Variants in DCLK1 observed in about 807,000 individuals in gnomAD.
DCLK1 encodes serine/threonine-protein kinase DCLK1.
A neutral mutation model predicts 86.2 loss-of-function variants in DCLK1; 16 were observed. The ratio of observed to expected loss-of-function variants is 0.19; its 90% CI spans 0.13 to 0.28. The LOEUF is 0.28. Among genes scored for constraint, DCLK1 ranks in the 10% least tolerant of loss-of-function variants. The probability of loss-of-function intolerance (pLI) is 1.00; values close to 1 mark genes in which losing one functional copy is unlikely to be tolerated. For missense variants in DCLK1, 590 were observed against 940.2 expected, an observed-to-expected ratio of 0.63 and a Z score of 4.87; for synonymous variants, 369 against 370.5, an observed-to-expected ratio of 1.00 and a Z score of 0.05.
At chr13:35,914,956 T>C (rs747268058) in intron 4 of DCLK1, among the ~76,000 whole-genome samples, 1 of 152,158 alleles carries the variant, frequency 6.6e-6, no homozygotes, top group Admixed American at 6.5e-5. Context: ...AGAGAGCCAA[T>C]GATTTTAGGA....
chr13:35,913,183 C>A (rs556820801), intron 4 of DCLK1, among the ~76,000 whole-genome samples: 2 of 152,194 alleles, frequency 1.3e-5, no homozygotes, highest in South Asian at 4.1e-4. Context: ...CTTTGATGAT[C>A]GTCTGCCCAA....
At chr13:36,054,909 T>C (rs1029017390) in intron 3 of DCLK1, among the ~76,000 whole-genome samples, 6 of 152,114 alleles carry the variant, frequency 3.9e-5, no homozygotes, top group Admixed American at 2.6e-4. Flanking sequence ...TAAAAAGTAG[T>C]GCGGTGGGGA....
intron 4 of DCLK1, among the ~76,000 whole-genome samples, chr13:35,940,114 G>C (rs554425036): frequency 1.3e-5 from 2 of 152,030 alleles, no homozygotes; most frequent in Non-Finnish European, 2.9e-5. Context: ...CCAGCTACTC[G>C]GGAGGATGAG....
At chr13:35,855,630 G>C in intron 5 of DCLK1, 1 of 1,516,072 alleles carries the variant, frequency 6.6e-7, no homozygotes, top group South Asian at 1.2e-5. Context: ...TGAGTTTAAG[G>C]ATGGCTAAGG....
chr13:35,913,007 G>T (rs9545712), intron 4 of DCLK1, among the ~76,000 whole-genome samples: 27,687 of 152,184 alleles, frequency 0.18, 2,891 homozygotes, highest in East Asian at 0.34. Context: ...CCTGCAAAAG[G>T]TTGAGCATGG....
chr13:35,866,381 A>G (rs1871788128), intron 5 of DCLK1, among the ~76,000 whole-genome samples: 1 of 152,172 alleles, frequency 6.6e-6, no homozygotes. Context: ...GAATACTGGA[A>G]GTAGAAATTT....
intron 7 of DCLK1, among the ~76,000 whole-genome samples, chr13:35,838,841 C>G (rs1869585988): frequency 6.6e-6 from 1 of 152,152 alleles, no homozygotes; most frequent in African/African-American, 2.4e-5. Context: ...CAATAGCTGG[C>G]CTTCTTAGGA....
At chr13:36,025,444 AT>A (rs1881993743) in intron 3 of DCLK1, among the ~76,000 whole-genome samples, 3 of 152,248 alleles carry the variant, frequency 2.0e-5, no homozygotes, top group African/African-American at 7.2e-5. Context: ...CATGGTTAGC[AT>A]AATTCCTAAT....
intron 3 of DCLK1, among the ~76,000 whole-genome samples, chr13:36,032,129 TTTTC>T (rs1882305804): frequency 6.6e-6 from 1 of 151,768 alleles, no homozygotes; most frequent in African/African-American, 2.4e-5. Flanking sequence ...TTTCTTTTTC[TTTTC>T]TTTTTTTTTC....
chr13:36,068,873 A>G, intron 3 of DCLK1, among the ~76,000 whole-genome samples: 1 of 152,236 alleles, frequency 6.6e-6, no homozygotes, highest in East Asian at 1.9e-4. Context: ...ACTGGTTTGG[A>G]TGAGTTGAAA....
rs144147870 is a variant in DCLK1, at chr13:36,035,364, A to T, written c.723+76505T>A. On this transcript the variant is annotated intron_variant, in intron 3 of 16. Coordinates refer to ENST00000360631, the MANE Select transcript of DCLK1 (RefSeq NM_001330071.2). ...AATTTGGAACCAAAACCTATGTCTT[A>T]CTACCCACACTGAAACCACAAATGA... 3.9e-5 allele frequency among the ~76,000 whole-genome samples: 6 copies of T among 152,298 alleles called. No individual in the cohort carries two copies. In the East Asian group the frequency reaches 1.2e-3, roughly 29 times the overall value.
intron 5 of DCLK1, among the ~76,000 whole-genome samples, chr13:35,866,700 C>T (rs895996149): frequency 5.3e-5 from 8 of 151,736 alleles, no homozygotes; most frequent in African/African-American, 1.9e-4. Flanking sequence ...TGAGCCACCA[C>T]ACCCAGTCTA....
chr13:36,103,329 G>T (rs1161238095), intron 3 of DCLK1, among the ~76,000 whole-genome samples: 2 of 151,336 alleles, frequency 1.3e-5, no homozygotes. Flanking sequence ...TTGAGCCTGG[G>T]AGGTGGAGAG....
At chr13:35,971,628 T>G (rs9575019) in intron 3 of DCLK1, among the ~76,000 whole-genome samples, 2 of 152,062 alleles carry the variant, frequency 1.3e-5, no homozygotes, top group African/African-American at 4.8e-5. Flanking sequence ...CCAGGCATGG[T>G]GATGGATGCC....
intron 3 of DCLK1, among the ~76,000 whole-genome samples, chr13:35,966,303 C>T (rs1420835418): frequency 6.6e-6 from 1 of 152,144 alleles, no homozygotes; most frequent in Non-Finnish European, 1.5e-5. Context: ...CCCAAAAGAA[C>T]TGAAAGCAAT....
At chr13:36,063,186 C>T (rs1411314877) in intron 3 of DCLK1, among the ~76,000 whole-genome samples, 1 of 152,186 alleles carries the variant, frequency 6.6e-6, no homozygotes, top group African/African-American at 2.4e-5. Flanking sequence ...TAGCAGAAAT[C>T]TCCTCCAATG....
intron 4 of DCLK1, among the ~76,000 whole-genome samples, chr13:35,905,127 C>T (rs1297376962): frequency 6.6e-6 from 1 of 152,128 alleles, no homozygotes; most frequent in Non-Finnish European, 1.5e-5. Flanking sequence ...ATAAACGAAC[C>T]CTTGCTTGCG....
chr13:35,894,354 A>G (rs1216358048), intron 4 of DCLK1, among the ~76,000 whole-genome samples: 2 of 152,222 alleles, frequency 1.3e-5, no homozygotes, highest in African/African-American at 2.4e-5. Context: ...CATCTGCGCC[A>G]GAACTTGAAC....
rs1186579941 is a variant in DCLK1, at chr13:35,771,314, G to T, written c.*3221C>A. Reference sequence around the variant, plus strand: ...ACCCATGGGGAGCAGGTTGCAGGAAGGTCTCATTGAACACAAAACACCAAG... The same window carrying T: ...ACCCATGGGGAGCAGGTTGCAGGAATGTCTCATTGAACACAAAACACCAAG... On this transcript the variant is annotated 3_prime_UTR_variant, in exon 17 of 17. Coordinates refer to ENST00000360631, the MANE Select transcript of DCLK1 (RefSeq NM_001330071.2). 6.6e-6 allele frequency: 1 copy of T among 152,154 alleles called. No homozygotes were observed. The highest frequency in any genetic ancestry group is 1.5e-5 in the Non-Finnish European group (1 of 68,038). 9.4% of individuals were successfully genotyped at this position (152,154 alleles called of 1,614,324 possible).
Sources: allele counts gnomAD v4.1 joint callset (sites outside exome capture counted in the v4.1 genomes callset), GRCh38; gene constraint gnomAD v4.1.1; transcripts MANE v1.5; gene names NCBI Gene and HGNC (gene_info 2026-07-23, HGNC 2026-07-21).